CUL1: variants seen among roughly 807,000 people sequenced by gnomAD.
The protein encoded by CUL1 is cullin-1.
In CUL1, 24 loss-of-function variants were observed where a neutral mutation model predicts 118.0. The ratio of observed to expected loss-of-function variants is 0.20; its 90% CI spans 0.15 to 0.29. The LOEUF is 0.29. CUL1 is among the 10% of genes least tolerant of loss of function. The pLI is 1.00. For synonymous variants in CUL1, 332 were observed against 340.4 expected (o/e 0.98, Z 0.27); for missense variants, 361 against 933.8 (o/e 0.39, Z 7.99).
intron 1 of CUL1, among the ~76,000 whole-genome samples, chr7:148,699,322 C>G (rs1797633887): frequency 1.3e-5 from 2 of 151,590 alleles, no homozygotes; most frequent in South Asian, 4.2e-4. Flanking sequence ...CACGATTCAT[C>G]GCGCCTGGAG....
intron 1 of CUL1, among the ~76,000 whole-genome samples, chr7:148,714,080 A>G (rs1232095781): frequency 1.3e-5 from 2 of 152,230 alleles, no homozygotes; most frequent in Non-Finnish European, 2.9e-5. Context: ...GAAGCCTGCT[A>G]TATCCATTTA....
At chr7:148,706,946 G>C (rs1340029557) in intron 1 of CUL1, among the ~76,000 whole-genome samples, 1 of 152,130 alleles carries the variant, frequency 6.6e-6, no homozygotes, top group Non-Finnish European at 1.5e-5. Flanking sequence ...CGTAGGAAAT[G>C]CCAGGTGGCA....
intron 4 of CUL1, among the ~76,000 whole-genome samples, chr7:148,758,331 C>T (rs1799724651): frequency 1.3e-5 from 2 of 152,180 alleles, no homozygotes; most frequent in Non-Finnish European, 2.9e-5. Flanking sequence ...GCTATAATAG[C>T]AGTACTTTGT....
intron 9 of CUL1, among the ~76,000 whole-genome samples, chr7:148,779,524 C>T (rs571766642): frequency 5.9e-5 from 9 of 152,320 alleles, no homozygotes; most frequent in South Asian, 2.1e-4. Flanking sequence ...CCTCAGTGGG[C>T]GTACACACAG....
intron 6 of CUL1, 45 bp from the exon 7 acceptor site, chr7:148,760,288 C>T (rs774762450): frequency 6.6e-7 from 1 of 1,524,250 alleles, no homozygotes; most frequent in Non-Finnish European, 8.8e-7. Context: ...TGAAATATAA[C>T]CAAAAAAATA....
At position 148,797,943 on chromosome 7, in the gene CUL1, G is replaced by C. The variant is rs1251498342; in HGVS notation, c.1954G>C (p.Glu652Gln). The C allele has an allele frequency of 1.2e-6, 2 of 1,612,476 alleles. No individual in the cohort carries two copies. Among genetic ancestry groups the C allele is most frequent in the Non-Finnish European group, 1.7e-6 (2 of 1,178,652 alleles). ...ILLKSKLLVL[E>Q]DENANVDEVE... ...AACAATTGTTTTCTTACAGGTCTTGGAAGATGAAAATGCAAATGTTGATGA... is the reference window on the plus strand; with the variant it reads ...AACAATTGTTTTCTTACAGGTCTTGCAAGATGAAAATGCAAATGTTGATGA... The change falls in exon 19 of 22, where the codon GAA (glutamate) becomes CAA (glutamine). Residue 652 changes from glutamate (E) to glutamine (Q), a missense_variant. Physicochemically the swap from Glu to Gln is conservative, Grantham distance 29 (BLOSUM62 2). Around this residue, in one of 7 missense-constraint regions of CUL1, gnomAD observed 84 missense variants for 203.3 expected, o/e 0.41. Transcript: ENST00000325222.
chr7:148,793,100 C>T (rs1301322138), intron 17 of CUL1, among the ~76,000 whole-genome samples: 2 of 152,148 alleles, frequency 1.3e-5, no homozygotes, highest in Non-Finnish European at 2.9e-5. Context: ...GTCGAGGCTG[C>T]AGTGAGCTAT....
intron 1 of CUL1, among the ~76,000 whole-genome samples, chr7:148,710,439 C>T (rs1486800703): frequency 6.6e-6 from 1 of 152,084 alleles, no homozygotes. Flanking sequence ...CATGGTGGTG[C>T]ATGCCTGTAA....
At position 148,764,569 on chromosome 7, in the gene CUL1, G is replaced by A. The variant is rs533379942; in HGVS notation, c.790-1992G>A. ...CATCAAAGCCTAATCTTTCATCTCGGAAGGGGTAAAACTATGTTTTGCTGC... is the reference window on the plus strand; with the variant it reads ...CATCAAAGCCTAATCTTTCATCTCGAAAGGGGTAAAACTATGTTTTGCTGC... On this transcript the variant is annotated intron_variant, in intron 7 of 21. Coordinates refer to ENST00000325222, the MANE Select transcript of CUL1 (RefSeq NM_003592.3). Among the ~76,000 whole-genome samples, 3 of 152,322 alleles carry A rather than the reference G, an allele frequency of 2.0e-5. No homozygotes were observed. The East Asian group carries it at 5.8e-4, about 29-fold the overall frequency.
chr7:148,735,296 C>A (rs1254909139), intron 2 of CUL1, among the ~76,000 whole-genome samples: 1 of 152,246 alleles, frequency 6.6e-6, no homozygotes, highest in Non-Finnish European at 1.5e-5. Context: ...CTGTGCTTTG[C>A]AGGGACACCG....
At chr7:148,795,505 G>A (rs531509177) in intron 17 of CUL1, among the ~76,000 whole-genome samples, 38 of 151,890 alleles carry the variant, frequency 2.5e-4, no homozygotes, top group Non-Finnish European at 4.1e-4. Flanking sequence ...GGTGGCTCAC[G>A]CCTGTAATCC....
At chr7:148,715,028 T>G (rs1275643510) in intron 1 of CUL1, among the ~76,000 whole-genome samples, 1 of 152,188 alleles carries the variant, frequency 6.6e-6, no homozygotes, top group East Asian at 1.9e-4. Context: ...ATCTTATTTT[T>G]GAATAAGGTA....
chr7:148,747,828 C>A (rs1799353727), intron 2 of CUL1, among the ~76,000 whole-genome samples: 1 of 152,080 alleles, frequency 6.6e-6, no homozygotes. Context: ...AACCAGATGG[C>A]AGATCAGGAA....
chr7:148,707,621 T>C (rs189412521), intron 1 of CUL1, among the ~76,000 whole-genome samples: 4 of 152,284 alleles, frequency 2.6e-5, no homozygotes, highest in Admixed American at 2.6e-4. Context: ...ATACATTAGC[T>C]GTTTTCCCTG....
intron 9 of CUL1, among the ~76,000 whole-genome samples, chr7:148,777,547 A>G (rs1464059306): frequency 6.6e-6 from 1 of 152,182 alleles, no homozygotes; most frequent in Non-Finnish European, 1.5e-5. Flanking sequence ...CTTCAAACAA[A>G]TGTTTTACCT....
At chr7:148,782,878 A>G (rs1333800159) in intron 9 of CUL1, among the ~76,000 whole-genome samples, 1 of 152,084 alleles carries the variant, frequency 6.6e-6, no homozygotes, top group Non-Finnish European at 1.5e-5. Flanking sequence ...GCTGGGGGTG[A>G]CCCGGAGCTC....
chr7:148,783,605 A>G (rs2129462539), intron 9 of CUL1, 178 bp from the exon 10 acceptor site: 1 of 1,521,590 alleles, frequency 6.6e-7, no homozygotes. Context: ...ATATAAACAA[A>G]ATGTCCTATG....
intron 8 of CUL1, among the ~76,000 whole-genome samples, chr7:148,767,268 C>T (rs1310518727): frequency 6.6e-6 from 1 of 151,584 alleles, no homozygotes; most frequent in East Asian, 1.9e-4. Context: ...TATTATGTGT[C>T]AGGCATAAAT....
rs1253097637 is a variant in CUL1 at position 148,789,805 on chromosome 7, T to C, written c.1653T>C (p.Cys551=). The C allele has an allele frequency of 6.2e-7, 1 of 1,614,106 alleles. No homozygotes were observed. Among genetic ancestry groups the C allele is most frequent in the African/African-American group, 1.3e-5 (1 of 74,950 alleles). Residue 551 remains cysteine (C), a synonymous_variant, in exon 15 of 22, where the codon TGT becomes TGC. Transcript: ENST00000325222. ...GGTCCTGGCCCTTCCAGCAGTCTTGTACATTTGCCTTGCCGTCAGAGGTAA... is the reference window on the plus strand; with the variant it reads ...GGTCCTGGCCCTTCCAGCAGTCTTGCACATTTGCCTTGCCGTCAGAGGTAA... ...SSGSWPFQQS[C]TFALPSELER... is the part of the protein sequence containing the mutation.
Sources: allele counts gnomAD v4.1 joint callset (sites outside exome capture counted in the v4.1 genomes callset), GRCh38; gene constraint gnomAD v4.1.1; regional missense constraint gnomAD v4.1.1; transcripts MANE v1.5; gene names NCBI Gene and HGNC (gene_info 2026-07-23, HGNC 2026-07-21).